The following EXOC2 variants were observed in gnomAD, a reference collection of about 807,000 sequenced individuals.
EXOC2 encodes exocyst complex component 2.
EXOC2 carries 70 observed loss-of-function variants against 131.8 expected under a neutral mutation model. The ratio of observed to expected loss-of-function variants is 0.53; its 90% confidence interval spans 0.44 to 0.65. The LOEUF (loss-of-function observed/expected upper bound fraction) is 0.65. EXOC2 is among the 30% of genes least tolerant of loss of function. EXOC2 has a pLI of 0.00. For synonymous variants in EXOC2, 411 were observed against 398.4 expected, an observed-to-expected ratio of 1.03 and a Z score of -0.38; for missense variants, 923 against 1,108.6, an observed-to-expected ratio of 0.83 and a Z score of 2.38.
At chr6:516,255 C>T (rs888449002) in intron 23 of EXOC2, among the ~76,000 whole-genome samples, 1 of 152,198 alleles carries the variant, frequency 6.6e-6, no homozygotes, top group Non-Finnish European at 1.5e-5. Context: ...TGGGAGAATA[C>T]GCATTTCTAA....
intron 25 of EXOC2, among the ~76,000 whole-genome samples, chr6:495,336 G>C (rs983927813): frequency 3.9e-5 from 6 of 152,040 alleles, no homozygotes; most frequent in African/African-American, 1.4e-4. Context: ...GTGTTAGCCA[G>C]GATGGTCTCG....
chr6:537,473 C>T (rs1443713258), intron 22 of EXOC2, among the ~76,000 whole-genome samples: 2 of 151,006 alleles, frequency 1.3e-5, no homozygotes, highest in Non-Finnish European at 2.9e-5. Flanking sequence ...GCCGACGGAG[C>T]GTACACTCAA....
At chr6:497,511 T>C in intron 24 of EXOC2, 22 bp from the exon 25 acceptor site, 1 of 1,591,534 alleles carries the variant, frequency 6.3e-7, no homozygotes, top group Non-Finnish European at 8.5e-7. Flanking sequence ...TAGGAAGACA[T>C]GGTGCTTTGT....
At chr6:623,913 A>T (rs1375111734) in intron 4 of EXOC2, among the ~76,000 whole-genome samples, 1 of 152,194 alleles carries the variant, frequency 6.6e-6, no homozygotes, top group Admixed American at 6.5e-5. Flanking sequence ...GTTTTATGCT[A>T]AGGGCAACAG....
In EXOC2 at chr6:486,352, C is replaced by T. The variant is rs1375728582; in HGVS notation, c.*319G>A. On this transcript the variant is annotated 3_prime_UTR_variant, in exon 28 of 28. Transcript: ENST00000230449. ...GAGAAATGCTTCAATATGTGCCACG[C>T]CATTCCAGAAAACTCCCTGCAGAAG... 4.0e-6 allele frequency: 1 copy of T among 247,374 alleles called. No homozygotes were observed. Among genetic ancestry groups the T allele is most frequent in the Non-Finnish European group, 7.8e-6 (1 of 128,646 alleles). 15.3% of individuals were successfully genotyped at this position (247,374 alleles called of 1,614,324 possible). A position where few individuals can be genotyped will look rare whatever the true frequency, so the allele number is the denominator to read the frequency against.
rs370073709 is a variant in EXOC2 at position 553,845 on chromosome 6, C to A, written c.2121+9G>T. The A allele has an allele frequency of 6.2e-7, 1 of 1,610,876 alleles. No individual in the cohort carries two copies. The highest frequency in any genetic ancestry group is 1.3e-5 in the African/African-American group (1 of 74,838). ...AAATGGTTTACTTTCTAGTTATCGT[C>A]TGACTTACTGAGGTCAAGCTGAAGT... On this transcript the variant is annotated intron_variant, in intron 21 of 27. Transcript: ENST00000230449.
At chr6:509,659 G>A (rs1053488842) in intron 23 of EXOC2, among the ~76,000 whole-genome samples, 1 of 152,194 alleles carries the variant, frequency 6.6e-6, no homozygotes, top group South Asian at 2.1e-4. Context: ...GTGCTGGAGA[G>A]GAAGAACGTG....
At chr6:678,023 A>G (rs960336625) in intron 1 of EXOC2, among the ~76,000 whole-genome samples, 1 of 152,076 alleles carries the variant, frequency 6.6e-6, no homozygotes, top group Non-Finnish European at 1.5e-5. Context: ...TTTTCCCCAA[A>G]GTGCCTCCCT....
At chr6:617,262 T>C (rs1047903451) in intron 6 of EXOC2, among the ~76,000 whole-genome samples, 6 of 152,224 alleles carry the variant, frequency 3.9e-5, no homozygotes, top group African/African-American at 1.2e-4. Flanking sequence ...GTCCCTCCCA[T>C]ACACAGATGG....
intron 23 of EXOC2, among the ~76,000 whole-genome samples, chr6:521,500 G>A (rs1278021752): frequency 6.6e-6 from 1 of 152,094 alleles, no homozygotes; most frequent in African/African-American, 2.4e-5. Context: ...GGAGATCTTT[G>A]GTGTTACAGT....
chr6:629,850 C>T lies in EXOC2; in HGVS notation c.407G>A (p.Gly136Asp). The T allele has an allele frequency of 6.2e-7, 1 of 1,613,740 alleles. No individual in the cohort carries two copies. The change falls in exon 4 of 28, where the codon GGC becomes GAC. Residue 136 changes from glycine (G) to aspartate (D), a missense_variant. Gly to Asp is a moderately conservative substitution (Grantham distance 94, BLOSUM62 -1). Transcript: ENST00000230449. ...TGGTACTCACTTTTCAATCTCAATG[C>T]CAAGCGGGTTAGCAGGACGTAAGGA... The part of the protein sequence containing the change: ...PLSLRPANPL[G>D]IEIEKSKFSQ...
At chr6:487,339 C>G (rs995949518) in intron 27 of EXOC2, among the ~76,000 whole-genome samples, 3 of 152,116 alleles carry the variant, frequency 2.0e-5, no homozygotes, top group African/African-American at 7.2e-5. Flanking sequence ...GGGCTAATTC[C>G]ACTAGGCAAA....
chr6:541,456 G>C (rs1235769578), intron 22 of EXOC2, among the ~76,000 whole-genome samples: 3 of 152,088 alleles, frequency 2.0e-5, no homozygotes, highest in Non-Finnish European at 4.4e-5. Context: ...TATAACGAGA[G>C]AGCACTACTA....
chr6:557,575 G>A (rs868717213), intron 17 of EXOC2, among the ~76,000 whole-genome samples: 46 of 133,792 alleles, frequency 3.4e-4, no homozygotes, highest in African/African-American at 1.2e-3. Flanking sequence ...CCAAGATTGC[G>A]CCACTGCACT....
At position 506,267 on chromosome 6, in the gene EXOC2, G is replaced by C. The variant is rs1237869342; in HGVS notation, c.2381-6567C>G. Among the ~76,000 whole-genome samples, 1 of 152,200 alleles carries C rather than the reference G, an allele frequency of 6.6e-6. No individual in the cohort carries two copies. Among genetic ancestry groups the C allele is most frequent in the African/African-American group, 2.4e-5 (1 of 41,440 alleles). ...ATGCTCCGCACGTGCTGGATATTAG[G>C]AAGATGTCCAGGTATATCAGGATGG... On this transcript the variant is annotated intron_variant, in intron 23 of 27. Coordinates refer to ENST00000230449, the MANE Select transcript of EXOC2 (RefSeq NM_018303.6). The surrounding 1 kb of genome is among the most constrained non-coding windows in gnomAD (Gnocchi z 4.4).
chr6:531,483 A>G (rs2473480), intron 23 of EXOC2, among the ~76,000 whole-genome samples: 29,085 of 146,996 alleles, frequency 0.2, 3,741 homozygotes, highest in African/African-American at 0.38. Flanking sequence ...AGGAAATTCA[A>G]TAACTGTGGT....
chr6:655,767 G>A (rs1763044967), intron 1 of EXOC2, among the ~76,000 whole-genome samples: 1 of 152,090 alleles, frequency 6.6e-6, no homozygotes, highest in Non-Finnish European at 1.5e-5. Flanking sequence ...GCTTTACACA[G>A]CAGCATTTTA....
Position 524,101 on chromosome 6 carries a change from T to C in EXOC2, c.2380+8368A>G, listed in dbSNP as rs1006604871. On this transcript the variant is annotated intron_variant, in intron 23 of 27. Transcript: ENST00000230449. ...GCTTATGGATTTATTTTTTTATTGA[T>C]AGAAAAGTAAGAGCAATATATGCTG... 11 of 152,162 alleles carry C rather than the reference T, an allele frequency of 7.2e-5. 1 individual carries two copies. Among genetic ancestry groups the C allele is most frequent in the Admixed American group, 6.5e-4 (10 of 15,276 alleles). 9.4% of individuals were successfully genotyped at this position (152,162 alleles called of 1,614,324 possible). A position where few individuals can be genotyped will look rare whatever the true frequency, so the allele number is the denominator to read the frequency against.
intron 23 of EXOC2, among the ~76,000 whole-genome samples, chr6:513,948 C>G (rs1281142516): frequency 6.6e-6 from 1 of 152,212 alleles, no homozygotes; most frequent in Admixed American, 6.5e-5. Context: ...GCTAATTGTA[C>G]TATTTTTAGA....
Sources: allele counts gnomAD v4.1 joint callset (sites outside exome capture counted in the v4.1 genomes callset), GRCh38; gene constraint gnomAD v4.1.1; non-coding constraint Gnocchi (gnomAD v3.1); transcripts MANE v1.5; gene names NCBI Gene and HGNC (gene_info 2026-07-23, HGNC 2026-07-21).